Variants in NDST4 observed in about 807,000 individuals in gnomAD.
The protein encoded by NDST4 is N-heparan sulfate sulfotransferase 4.
A neutral mutation model predicts 100.8 loss-of-function variants in NDST4; 63 were observed. That is an observed-to-expected ratio of 0.62 (90% confidence interval 0.51 to 0.77). The LOEUF (loss-of-function observed/expected upper bound fraction) is 0.77, where lower values mean the gene tolerates loss of function less well. Among genes scored for constraint, NDST4 ranks in the 30% least tolerant of loss-of-function variants. The pLI is 0.00. For synonymous variants in NDST4, 377 were observed against 361.8 expected (o/e 1.04, Z -0.48); for missense variants, 943 against 1,018.4 (o/e 0.93, Z 1.01).
At chr4:115,089,752 A>C (rs1011402947) in intron 1 of NDST4, among the ~76,000 whole-genome samples, 11 of 151,906 alleles carry the variant, frequency 7.2e-5, no homozygotes, top group African/African-American at 2.4e-4. Flanking sequence ...CAATGTTATA[A>C]TGTTTTAATA....
intron 2 of NDST4, among the ~76,000 whole-genome samples, chr4:115,070,284 C>T (rs1486411704): frequency 1.3e-5 from 2 of 152,020 alleles, no homozygotes; most frequent in East Asian, 3.8e-4. Flanking sequence ...TAGCTGGAGG[C>T]CATTATCCTT....
intron 2 of NDST4, among the ~76,000 whole-genome samples, chr4:115,061,336 C>A (rs555399236): frequency 6.6e-6 from 1 of 152,196 alleles, no homozygotes; most frequent in South Asian, 2.1e-4. Flanking sequence ...ATGTTCACTG[C>A]AGCACTATTT....
At chr4:114,977,164 G>A (rs1415123145) in intron 3 of NDST4, 23 bp downstream of exon 3, 10 of 1,444,908 alleles carry the variant, frequency 6.9e-6, no homozygotes, top group African/African-American at 2.8e-5. Context: ...GTAGCTGCCT[G>A]AGAACACAAA....
intron 6 of NDST4, among the ~76,000 whole-genome samples, chr4:114,899,882 A>G (rs929606571): frequency 6.6e-6 from 1 of 152,178 alleles, no homozygotes; most frequent in African/African-American, 2.4e-5. Flanking sequence ...CTCTGCTTCT[A>G]TCTTCTAAAA....
At chr4:115,083,282 C>T (rs1335987612) in intron 1 of NDST4, among the ~76,000 whole-genome samples, 1 of 151,954 alleles carries the variant, frequency 6.6e-6, no homozygotes, top group African/African-American at 2.4e-5. Flanking sequence ...AAGATCTTGT[C>T]TCAACACAAA....
At chr4:114,846,051 T>G (rs1397036200) in intron 9 of NDST4, 54 bp from the exon 10 acceptor site, 1 of 1,331,468 alleles carries the variant, frequency 7.5e-7, no homozygotes, top group African/African-American at 1.5e-5. Context: ...TCTTGCCATA[T>G]TCTGAATGTG....
chr4:114,834,513 C>CAAAA (rs869097688), intron 11 of NDST4, among the ~76,000 whole-genome samples: 5 of 63,840 alleles, frequency 7.8e-5, no homozygotes, highest in Admixed American at 1.7e-4. Flanking sequence ...GACTCCATCT[C>CAAAA]AAAAAAAAAA....
chr4:114,941,371 C>T (rs1197611149), intron 4 of NDST4, among the ~76,000 whole-genome samples: 5 of 151,786 alleles, frequency 3.3e-5, no homozygotes, highest in Non-Finnish European at 4.4e-5. Flanking sequence ...AGACACTTGA[C>T]TTACAAAAGG....
At chr4:114,969,164 AT>A (rs1726449307) in intron 4 of NDST4, among the ~76,000 whole-genome samples, 1 of 151,972 alleles carries the variant, frequency 6.6e-6, no homozygotes, top group African/African-American at 2.4e-5. Context: ...ATACAAAAAA[AT>A]TAGCCGGGCG....
intron 2 of NDST4, among the ~76,000 whole-genome samples, chr4:115,039,252 C>T (rs1211474515): frequency 6.6e-6 from 1 of 152,016 alleles, no homozygotes; most frequent in African/African-American, 2.4e-5. Flanking sequence ...AACACAAAAT[C>T]CCGAAGGATG....
At chr4:115,072,756 C>G (rs941480913) in intron 2 of NDST4, among the ~76,000 whole-genome samples, 4 of 151,888 alleles carry the variant, frequency 2.6e-5, no homozygotes, top group African/African-American at 9.7e-5. Context: ...ATAGAGGGAA[C>G]TTCTATGATG....
At chr4:114,963,911 G>A (rs1239682931) in intron 4 of NDST4, among the ~76,000 whole-genome samples, 1 of 152,128 alleles carries the variant, frequency 6.6e-6, no homozygotes, top group Non-Finnish European at 1.5e-5. Context: ...CTTCTATAAT[G>A]TCTTCCAACT....
chr4:115,110,632 C>T (rs1472978760), intron 1 of NDST4, among the ~76,000 whole-genome samples: 1 of 151,878 alleles, frequency 6.6e-6, no homozygotes, highest in Non-Finnish European at 1.5e-5. Context: ...TCTGCCTCTC[C>T]AAGATCATGG....
At chr4:115,061,554 A>G (rs1464644216) in intron 2 of NDST4, among the ~76,000 whole-genome samples, 1 of 152,064 alleles carries the variant, frequency 6.6e-6, no homozygotes, top group East Asian at 1.9e-4. Context: ...GTTCTCACTC[A>G]TAAGTGGGAG....
chr4:114,881,095 G>A (rs140047077), intron 6 of NDST4, among the ~76,000 whole-genome samples: 37 of 152,186 alleles, frequency 2.4e-4, no homozygotes, highest in African/African-American at 8.2e-4. Flanking sequence ...AATCCTAAGA[G>A]CCATAAGGAA....
chr4:115,016,134 A>T (rs1312717032), intron 2 of NDST4, among the ~76,000 whole-genome samples: 1 of 152,092 alleles, frequency 6.6e-6, no homozygotes, highest in Non-Finnish European at 1.5e-5. Flanking sequence ...TAGCAAATAA[A>T]GTGCAGTAAT....
chr4:115,046,624 T>C (rs971254522), intron 2 of NDST4, among the ~76,000 whole-genome samples: 6 of 146,468 alleles, frequency 4.1e-5, no homozygotes, highest in Non-Finnish European at 7.4e-5. Context: ...GTGTGATGTG[T>C]GTGTGTGTGT....
At chr4:115,074,071 G>T (rs1226503280) in intron 2 of NDST4, among the ~76,000 whole-genome samples, 1 of 151,708 alleles carries the variant, frequency 6.6e-6, no homozygotes, top group African/African-American at 2.4e-5. Context: ...CAATATATAG[G>T]ATATAATTCT....
At chr4:114,998,764 G>T (rs1234137557) in intron 2 of NDST4, among the ~76,000 whole-genome samples, 1 of 151,972 alleles carries the variant, frequency 6.6e-6, no homozygotes, top group African/African-American at 2.4e-5. Flanking sequence ...CTGGGAAACT[G>T]CTTCATGGTA....
Sources: gnomAD v4.1 joint callset for allele counts (sites outside exome capture counted in the v4.1 genomes callset) on GRCh38, gnomAD v4.1.1 for gene constraint, MANE v1.5 for transcripts, NCBI Gene and HGNC (gene_info 2026-07-23, HGNC 2026-07-21) for gene names.